Variants in HNF1B observed in about 807,000 individuals in gnomAD.
HNF1B encodes the protein HNF1 homeobox B, also known as hepatocyte nuclear factor 1-beta.
In HNF1B, 8 loss-of-function variants were observed where a neutral mutation model predicts 61.7. The observed-to-expected ratio is 0.13, with a 90% CI of 0.08 to 0.23. The LOEUF (loss-of-function observed/expected upper bound fraction) is 0.23, where lower values mean the gene tolerates loss of function less well. Among genes scored for constraint, HNF1B ranks in the 10% least tolerant of loss-of-function variants. The probability of loss-of-function intolerance (pLI) is 1.00; values close to 1 mark genes in which losing one functional copy is unlikely to be tolerated. For missense variants in HNF1B, 562 were observed against 714.5 expected (o/e 0.79, Z 2.43); for synonymous variants, 314 against 287.7 (o/e 1.09, Z -0.93).
At chr17:37,697,881 T>C (rs1016940711) in intron 8 of HNF1B, among the ~76,000 whole-genome samples, 4 of 152,088 alleles carry the variant, frequency 2.6e-5, no homozygotes, top group Non-Finnish European at 5.9e-5. Flanking sequence ...AGTTACTTAA[T>C]CTACGCAAGC....
intron 4 of HNF1B, among the ~76,000 whole-genome samples, chr17:37,721,219 G>T (rs2077019129): frequency 6.6e-6 from 1 of 152,132 alleles, no homozygotes; most frequent in African/African-American, 2.4e-5. Flanking sequence ...TGTTTATTGT[G>T]ACTGGCCCCA....
Position 37,745,023 on chromosome 17 carries a change from T to G in HNF1B, c.-139A>C. 1.4e-6 allele frequency: 1 copy of G among 694,228 alleles called. No individual in the cohort carries two copies. The highest frequency in any genetic ancestry group is 2.4e-6 in the Non-Finnish European group (1 of 408,556). The allele number at this position is 694,228 out of a possible 1,614,324, so 43.0% of individuals were successfully genotyped here. A position where few individuals can be genotyped will look rare whatever the true frequency, so the allele number is the denominator to read the frequency against. ...TCCAGACACCTGTTACTCCCCGGGG[T>G]CCCGGAGGCTCCTCCGAAAGGAGTC... On this transcript the variant is annotated 5_prime_UTR_variant, in exon 1 of 9. Coordinates refer to ENST00000617811, the MANE Select transcript of HNF1B (RefSeq NM_000458.4).
chr17:37,719,850 G>A (rs1320404922), intron 4 of HNF1B, among the ~76,000 whole-genome samples: 2 of 152,266 alleles, frequency 1.3e-5, no homozygotes, highest in Non-Finnish European at 2.9e-5. Flanking sequence ...ACCGTACTGG[G>A]AGATGATACC....
intron 1 of HNF1B, among the ~76,000 whole-genome samples, chr17:37,742,585 G>T (rs1009869385): frequency 6.6e-6 from 1 of 152,078 alleles, no homozygotes; most frequent in Admixed American, 6.5e-5. Context: ...GGCAGCACCC[G>T]CTCGGGACGG....
At position 37,704,993 on chromosome 17, in the gene HNF1B, G is replaced by T; in HGVS notation, c.1263C>A (p.Ser421Arg). 1 of 1,613,946 alleles carries T rather than the reference G, an allele frequency of 6.2e-7. No individual in the cohort carries two copies. The highest frequency in any genetic ancestry group is 8.5e-7 in the Non-Finnish European group (1 of 1,179,840). ...ATTGCTGGGGATTATGGTGGGAGAG[G>T]CTGTGGATATTCGTCAAGGTGCTGA... ...PPVSTLTNIHSLSHHNPQQSQ... is the reference protein window; with the variant it reads ...PPVSTLTNIHRLSHHNPQQSQ... Residue 421 changes from serine (S) to arginine (R), a missense_variant, in exon 6 of 9, where the codon AGC becomes AGA. Coordinates refer to ENST00000617811, the MANE Select transcript of HNF1B (RefSeq NM_000458.4).
rs772362107 is a variant in HNF1B, at chr17:37,701,013, C to T, written c.1504G>A (p.Ala502Thr). The T allele has an allele frequency of 1.3e-5, 21 of 1,557,904 alleles. No individual in the cohort carries two copies. The highest frequency in any genetic ancestry group is 1.8e-5 in the Non-Finnish European group (21 of 1,150,458). The change falls in exon 7 of 9, where the codon GCA becomes ACA. Residue 502 changes from alanine to threonine, a missense_variant. Physicochemically the swap from Ala to Thr is moderately conservative, Grantham distance 58. Around this residue, in one of 6 missense-constraint regions of HNF1B, gnomAD observed 64 missense variants for 96.9 expected, o/e 0.66. Coordinates refer to ENST00000617811, the MANE Select transcript of HNF1B (RefSeq NM_000458.4). ...GAGTTCTGCAGCTGAGTCACAGCTG[C>T]CATGAAGGGCTGCTGGGCCATGTGG... ...GSHMAQQPFM[A>T]AVTQLQNSHM...
chr17:37,710,704 C>T (rs1321607823), intron 4 of HNF1B, 41 bp from the exon 5 acceptor site: 1 of 1,594,670 alleles, frequency 6.3e-7, no homozygotes, highest in Non-Finnish European at 8.6e-7. Context: ...ATTAGTGCCA[C>T]CAGGGTCCTG....
intron 7 of HNF1B, 49 bp from the exon 8 acceptor site, chr17:37,699,243 A>T (rs756823042): frequency 7.2e-7 from 1 of 1,392,662 alleles, no homozygotes; most frequent in Non-Finnish European, 1.0e-6. Flanking sequence ...ACAGGCAAAG[A>T]CACAGGTACA....
At chr17:37,735,883 C>T (rs2147560968) in intron 2 of HNF1B, among the ~76,000 whole-genome samples, 1 of 152,278 alleles carries the variant, frequency 6.6e-6, no homozygotes, top group Middle Eastern at 3.4e-3. Context: ...CTTAGCCTCC[C>T]AAGTAGCTGG....
intron 6 of HNF1B, 148 bp downstream of exon 6, chr17:37,704,769 A>G: frequency 1.1e-6 from 1 of 885,892 alleles, no homozygotes; most frequent in Non-Finnish European, 1.9e-6. Context: ...GGATTTAAGG[A>G]GACAGATGAG....
At chr17:37,711,185 AG>A (rs2032924779) in intron 4 of HNF1B, among the ~76,000 whole-genome samples, 1 of 152,220 alleles carries the variant, frequency 6.6e-6, no homozygotes. Flanking sequence ...GCCGTAGCTT[AG>A]GCATCAGTCT....
At position 37,735,181 on chromosome 17, in the gene HNF1B, C is replaced by T. The variant is rs894475135; in HGVS notation, c.545-1360G>A. 4.6e-5 allele frequency among the ~76,000 whole-genome samples: 7 copies of T among 152,102 alleles called. No homozygotes were observed. In the South Asian group the frequency reaches 6.2e-4, roughly 14 times the overall value. ...CTCCCTTTGTGATGTAAATGATGTG[C>T]CATCATTTACATGCCATCCTTCCTG... On this transcript the variant is annotated intron_variant, in intron 2 of 8. Transcript: ENST00000617811.
intron 3 of HNF1B, among the ~76,000 whole-genome samples, chr17:37,732,815 TTAAAA>T (rs1366484785): frequency 6.6e-6 from 1 of 151,834 alleles, no homozygotes; most frequent in Non-Finnish European, 1.5e-5. Flanking sequence ...AAATAAATAC[TTAAAA>T]TAACACAGAG....
intron 8 of HNF1B, among the ~76,000 whole-genome samples, chr17:37,687,711 C>T (rs993095217): frequency 6.6e-6 from 1 of 152,162 alleles, no homozygotes; most frequent in African/African-American, 2.4e-5. Context: ...TTATAGAGTG[C>T]TTAGTGTACT....
chr17:37,731,151 C>T (rs1261009650), intron 4 of HNF1B: 2 of 245,894 alleles, frequency 8.1e-6, no homozygotes, highest in Non-Finnish European at 1.6e-5. Context: ...CTGAGGCAGC[C>T]GGACCGAGCG....
At position 37,687,143 on chromosome 17, in the gene HNF1B, T is replaced by C; in HGVS notation, c.*229A>G. ...CCAGGACAGACAGGAGTCCTTGACA[T>C]CGTGGGAGAGGCATTGTGGCAATAC... is the stretch of plus-strand genomic sequence containing the variant. On this transcript the variant is annotated 3_prime_UTR_variant, in exon 9 of 9. Transcript: ENST00000617811. 1 of 676,602 alleles carries C rather than the reference T, an allele frequency of 1.5e-6. No homozygotes were observed. Among genetic ancestry groups the C allele is most frequent in the Admixed American group, 2.1e-5 (1 of 47,044 alleles). The allele number at this position is 676,602 out of a possible 1,614,324, so 41.9% of individuals were successfully genotyped here. A position where few individuals can be genotyped will look rare whatever the true frequency, so the allele number is the denominator to read the frequency against.
chr17:37,723,220 G>A (rs1489421984), intron 4 of HNF1B, among the ~76,000 whole-genome samples: 1 of 151,628 alleles, frequency 6.6e-6, no homozygotes, highest in Non-Finnish European at 1.5e-5. Context: ...GGTGGTGGAC[G>A]CCTGTAGTCC....
chr17:37,697,078 A>G (rs926478448), intron 8 of HNF1B, among the ~76,000 whole-genome samples: 5 of 152,224 alleles, frequency 3.3e-5, no homozygotes, highest in Non-Finnish European at 7.4e-5. Context: ...TGTGGAGTCA[A>G]AGACCAAAGC....
At chr17:37,715,345 C>G (rs1254152961) in intron 4 of HNF1B, among the ~76,000 whole-genome samples, 1 of 152,132 alleles carries the variant, frequency 6.6e-6, no homozygotes, top group Non-Finnish European at 1.5e-5. Context: ...CTTTGAGCAC[C>G]CATGCCCCAG....
Sources: gnomAD v4.1 joint callset for allele counts (sites outside exome capture counted in the v4.1 genomes callset) on GRCh38, gnomAD v4.1.1 for gene constraint, gnomAD v4.1.1 regional missense constraint, MANE v1.5 for transcripts, NCBI Gene and HGNC (gene_info 2026-07-23, HGNC 2026-07-21) for gene names.